Variants in HIVEP3 observed in about 807,000 individuals in gnomAD.
HIVEP3 encodes the protein HIVEP zinc finger 3.
HIVEP3 carries 49 observed loss-of-function variants against 152.8 expected under a neutral mutation model. The ratio of observed to expected loss-of-function variants is 0.32; its 90% CI spans 0.26 to 0.41. The LOEUF (loss-of-function observed/expected upper bound fraction) is 0.41. HIVEP3 is among the 10% of genes least tolerant of loss of function. The pLI, the probability that HIVEP3 is intolerant of heterozygous loss-of-function variation, is 1.00. For missense variants in HIVEP3, 2,790 were observed against 3,103.3 expected (o/e 0.90, Z 2.40); for synonymous variants, 1,269 against 1,289.0 (o/e 0.98, Z 0.33).
intron 1 of HIVEP3, among the ~76,000 whole-genome samples, chr1:41,953,261 G>A (rs866707229): frequency 1.1e-4 from 16 of 152,274 alleles, no homozygotes; most frequent in Admixed American, 8.5e-4. Context: ...GGGAGGCAGC[G>A]GCAGAGCTGT....
chr1:41,843,427 A>G (rs1056355853), intron 1 of HIVEP3, among the ~76,000 whole-genome samples: 2 of 152,230 alleles, frequency 1.3e-5, no homozygotes, highest in Admixed American at 6.5e-5. Context: ...CCCATTTCCA[A>G]TGAAAGATGC....
chr1:41,715,310 C>T (rs1259884078), intron 1 of HIVEP3, among the ~76,000 whole-genome samples: 2 of 152,196 alleles, frequency 1.3e-5, no homozygotes, highest in Non-Finnish European at 2.9e-5. Flanking sequence ...AGATAGGAGG[C>T]GGCTTGGCAG....
intron 1 of HIVEP3, among the ~76,000 whole-genome samples, chr1:41,937,504 T>C (rs986983340): frequency 6.6e-6 from 1 of 152,190 alleles, no homozygotes; most frequent in African/African-American, 2.4e-5. Flanking sequence ...TATGTAGCTA[T>C]TGAACACTTG....
At chr1:42,022,256 C>A (rs1443064257) in intron 1 of HIVEP3, among the ~76,000 whole-genome samples, 1 of 152,142 alleles carries the variant, frequency 6.6e-6, no homozygotes, top group Non-Finnish European at 1.5e-5. Flanking sequence ...AGAATCTATG[C>A]TTCTAATCTG....
chr1:41,584,892 G>T lies in HIVEP3; in HGVS notation c.-95C>A. On this transcript the variant is annotated 5_prime_UTR_variant, in exon 4 of 9. Transcript: ENST00000372583. The surrounding 1 kb of genome is among the most constrained non-coding windows in gnomAD (Gnocchi z 5.2). ...TGTCCCAAGGAGGTGTCCAGCTTTG[G>T]CCACATTGGTCAAGAGCTGTGGGAG... 1 of 1,223,798 alleles carries T rather than the reference G, an allele frequency of 8.2e-7. No individual in the cohort carries two copies. Among genetic ancestry groups the T allele is most frequent in the Non-Finnish European group, 1.1e-6 (1 of 921,214 alleles). 75.8% of individuals were successfully genotyped at this position (1,223,798 alleles called of 1,614,324 possible). A position where few individuals can be genotyped will look rare whatever the true frequency, so the allele number is the denominator to read the frequency against.
At chr1:41,852,489 T>A (rs1252690217) in intron 1 of HIVEP3, among the ~76,000 whole-genome samples, 1 of 152,252 alleles carries the variant, frequency 6.6e-6, no homozygotes, top group Admixed American at 6.5e-5. Flanking sequence ...TTCCCTCTTA[T>A]GACCAGGCCC....
At chr1:41,782,057 C>A (rs11210526) in intron 1 of HIVEP3, among the ~76,000 whole-genome samples, 5,037 of 152,296 alleles carry the variant, frequency 0.033, 277 homozygotes, top group African/African-American at 0.12. Context: ...AGGCGTCCAA[C>A]CTTTGATGGA....
chr1:41,657,386 G>A (rs918492943), intron 2 of HIVEP3, among the ~76,000 whole-genome samples: 1 of 152,152 alleles, frequency 6.6e-6, no homozygotes, highest in Non-Finnish European at 1.5e-5. Context: ...AGCTCTCCAT[G>A]GAGCAATGGT....
At chr1:41,994,923 G>A (rs1557554164) in intron 1 of HIVEP3, among the ~76,000 whole-genome samples, 1 of 151,528 alleles carries the variant, frequency 6.6e-6, no homozygotes, top group African/African-American at 2.4e-5. Context: ...TCAATGACTG[G>A]GTTTAACAAG....
At position 41,575,523 on chromosome 1, in the gene HIVEP3, G is replaced by A. The variant is rs1297925925; in HGVS notation, c.5207+21C>T. The A allele has an allele frequency of 2.5e-6, 4 of 1,612,516 alleles. No homozygotes were observed. The Admixed American group carries it at 6.7e-5, about 27-fold the overall frequency. On this transcript the variant is annotated intron_variant, in intron 5 of 8. Coordinates refer to ENST00000372583, the MANE Select transcript of HIVEP3 (RefSeq NM_024503.5). ...TCTTATTCCACGGAAGCAGACGATG[G>A]AAACCAAACATGAGTCTTACCCTCC...
chr1:41,733,210 A>G (rs1470484784), intron 1 of HIVEP3, among the ~76,000 whole-genome samples: 2 of 152,108 alleles, frequency 1.3e-5, no homozygotes, highest in Non-Finnish European at 2.9e-5. Flanking sequence ...CTGTGCTGAG[A>G]CATAGTGACA....
At chr1:41,720,410 A>G (rs565345145) in intron 1 of HIVEP3, among the ~76,000 whole-genome samples, 3 of 152,340 alleles carry the variant, frequency 2.0e-5, no homozygotes, top group South Asian at 4.1e-4. Flanking sequence ...AGAAAGAGAC[A>G]TGTTCATCCA....
intron 1 of HIVEP3, among the ~76,000 whole-genome samples, chr1:41,860,250 G>T (rs1229955228): frequency 6.6e-6 from 1 of 152,126 alleles, no homozygotes; most frequent in African/African-American, 2.4e-5. Context: ...GCCACAGTGG[G>T]GGAATTCCTT....
At chr1:41,961,195 G>T (rs1022243113) in intron 1 of HIVEP3, among the ~76,000 whole-genome samples, 1 of 152,178 alleles carries the variant, frequency 6.6e-6, no homozygotes, top group Admixed American at 6.5e-5. Context: ...GGGTCCACAT[G>T]AAAAAGCTGA....
At chr1:41,560,670 G>T (rs1394273726) in intron 5 of HIVEP3, among the ~76,000 whole-genome samples, 1 of 152,234 alleles carries the variant, frequency 6.6e-6, no homozygotes, top group Non-Finnish European at 1.5e-5. Context: ...TGCTGAAGCT[G>T]CTGGGTTGGG....
chr1:41,995,500 G>A (rs76006247), intron 1 of HIVEP3, among the ~76,000 whole-genome samples: 1,905 of 152,254 alleles, frequency 0.013, 34 homozygotes, highest in African/African-American at 0.044. Context: ...AAGAAATTCT[G>A]AAGAATTTTC....
At chr1:41,762,370 C>A (rs1012061159) in intron 1 of HIVEP3, among the ~76,000 whole-genome samples, 15 of 152,350 alleles carry the variant, frequency 9.8e-5, no homozygotes, top group African/African-American at 3.6e-4. Context: ...AGCTGTAACA[C>A]TGTAACCCTC....
At chr1:41,651,208 G>A (rs1202198988) in intron 2 of HIVEP3, among the ~76,000 whole-genome samples, 1 of 151,990 alleles carries the variant, frequency 6.6e-6, no homozygotes, top group Non-Finnish European at 1.5e-5. Flanking sequence ...TTAGGAGTTC[G>A]AGACCAGCCT....
intron 1 of HIVEP3, among the ~76,000 whole-genome samples, chr1:41,991,222 T>C (rs1029149230): frequency 1.3e-5 from 2 of 152,126 alleles, no homozygotes; most frequent in African/African-American, 2.4e-5. Flanking sequence ...AGCTGGTTTT[T>C]TGAAAGGATC....
Sources: allele counts gnomAD v4.1 joint callset (sites outside exome capture counted in the v4.1 genomes callset), GRCh38; gene constraint gnomAD v4.1.1; non-coding constraint Gnocchi (gnomAD v3.1); transcripts MANE v1.5; gene names NCBI Gene and HGNC (gene_info 2026-07-23, HGNC 2026-07-21).